GLRB: variants seen among roughly 807,000 people sequenced by gnomAD.
The protein encoded by GLRB is glycine receptor beta, also known as glycine receptor subunit beta.
In GLRB, 33 loss-of-function variants were observed where a neutral mutation model predicts 54.2. The observed-to-expected ratio is 0.61, with a 90% CI of 0.46 to 0.81. The LOEUF (loss-of-function observed/expected upper bound fraction) is 0.81. Ranked by LOEUF, GLRB falls within the 40% of genes least tolerant of loss-of-function variation. The pLI is 0.00. For missense variants in GLRB, 572 were observed against 584.6 expected, an observed-to-expected ratio of 0.98 and a Z score of 0.22; for synonymous variants, 209 against 208.2, an observed-to-expected ratio of 1.00 and a Z score of -0.03.
chr4:157,118,932 T>G (rs1329470222), intron 2 of GLRB, among the ~76,000 whole-genome samples: 1 of 151,342 alleles, frequency 6.6e-6, no homozygotes, highest in East Asian at 2.0e-4. Context: ...ATGGATTTTG[T>G]GTGTGTGTGT....
intron 2 of GLRB, among the ~76,000 whole-genome samples, chr4:157,108,359 A>G (rs1057388689): frequency 6.6e-6 from 1 of 152,136 alleles, no homozygotes; most frequent in Non-Finnish European, 1.5e-5. Context: ...TCACTCTTCT[A>G]GATACCATTA....
chr4:157,135,673 G>T (rs1379200531), intron 4 of GLRB, among the ~76,000 whole-genome samples: 2 of 152,040 alleles, frequency 1.3e-5, no homozygotes, highest in African/African-American at 4.8e-5. Context: ...CCATTCTTAG[G>T]TATGTCTTTA....
intron 2 of GLRB, among the ~76,000 whole-genome samples, chr4:157,088,889 G>A (rs1459413053): frequency 6.6e-6 from 1 of 151,932 alleles, no homozygotes; most frequent in Non-Finnish European, 1.5e-5. Flanking sequence ...ATTAACTGTG[G>A]TTTTCCCCTT....
chr4:157,136,946 A>G, intron 6 of GLRB, 60 bp downstream of exon 6: 2 of 972,076 alleles, frequency 2.1e-6, no homozygotes. Flanking sequence ...TCTGGGTAAT[A>G]CATTCTACTG....
At chr4:157,096,986 T>G (rs1734836762) in intron 2 of GLRB, among the ~76,000 whole-genome samples, 1 of 152,198 alleles carries the variant, frequency 6.6e-6, no homozygotes, top group Admixed American at 6.5e-5. Flanking sequence ...GACTTTTCTT[T>G]GCTTAATTCC....
intron 2 of GLRB, among the ~76,000 whole-genome samples, chr4:157,110,244 T>A (rs1735369097): frequency 6.6e-6 from 1 of 151,960 alleles, no homozygotes; most frequent in Admixed American, 6.6e-5. Context: ...TTAGGAGCTC[T>A]GTTCTAGGAA....
chr4:157,109,341 A>G (rs1030012965), intron 2 of GLRB, among the ~76,000 whole-genome samples: 1 of 151,854 alleles, frequency 6.6e-6, no homozygotes, highest in Non-Finnish European at 1.5e-5. Context: ...GATTTTAGCC[A>G]TTATTTCTTA....
At chr4:157,144,996 T>A (rs1736755504) in intron 8 of GLRB, among the ~76,000 whole-genome samples, 1 of 152,232 alleles carries the variant, frequency 6.6e-6, no homozygotes, top group South Asian at 2.1e-4. Flanking sequence ...TTACATGTAT[T>A]ATATTTACTG....
intron 2 of GLRB, among the ~76,000 whole-genome samples, chr4:157,109,616 C>T (rs1401911720): frequency 6.6e-6 from 1 of 151,874 alleles, no homozygotes; most frequent in Non-Finnish European, 1.5e-5. Context: ...GATCACACAG[C>T]TCAAAGGCTC....
At chr4:157,121,623 T>A (rs924021468) in intron 3 of GLRB, among the ~76,000 whole-genome samples, 1 of 151,712 alleles carries the variant, frequency 6.6e-6, no homozygotes, top group African/African-American at 2.4e-5. Flanking sequence ...CTACCATATA[T>A]TGATTCACCA....
chr4:157,122,748 GT>G (rs1458290776), intron 4 of GLRB, among the ~76,000 whole-genome samples: 1 of 151,720 alleles, frequency 6.6e-6, no homozygotes, highest in Non-Finnish European at 1.5e-5. Context: ...CATTCAAAAT[GT>G]TTTAAGTATT....
chr4:157,153,049 C>A, intron 9 of GLRB, 39 bp downstream of exon 9: 1 of 1,518,492 alleles, frequency 6.6e-7, no homozygotes. Flanking sequence ...TTTCCCCCAA[C>A]CACTTCATAG....
At chr4:157,079,195 A>T (rs944192179) in intron 2 of GLRB, among the ~76,000 whole-genome samples, 2 of 152,212 alleles carry the variant, frequency 1.3e-5, no homozygotes, top group African/African-American at 4.8e-5. Flanking sequence ...TAATAATGCA[A>T]TATATGCAGT....
chr4:157,156,242 G>A (rs1027198450), intron 9 of GLRB, among the ~76,000 whole-genome samples: 1 of 152,080 alleles, frequency 6.6e-6, no homozygotes, highest in African/African-American at 2.4e-5. Flanking sequence ...TATGGGATGT[G>A]TTTCCATTTG....
At chr4:157,160,725 A>G (rs1019446266) in intron 9 of GLRB, among the ~76,000 whole-genome samples, 11 of 151,814 alleles carry the variant, frequency 7.2e-5, no homozygotes, top group African/African-American at 2.7e-4. Flanking sequence ...GTTCTTTTAC[A>G]TTTGCTGAGG....
In GLRB at chr4:157,153,606, C is replaced by A. The variant is rs541262657; in HGVS notation, c.1197+596C>A. On this transcript the variant is annotated intron_variant, in intron 9 of 9. Transcript: ENST00000264428. ...GGAGAAGGAATATTTAAGATTTTAC[C>A]CCATAACCCTGCCTTGTCAATTAAT... Among the ~76,000 whole-genome samples, 238 of 152,156 alleles carry A rather than the reference C, an allele frequency of 1.6e-3. 1 individual carries two copies. The highest frequency in any genetic ancestry group is 5.5e-3 in the African/African-American group (228 of 41,496).
At chr4:157,153,904 G>C (rs1737123098) in intron 9 of GLRB, among the ~76,000 whole-genome samples, 1 of 152,104 alleles carries the variant, frequency 6.6e-6, no homozygotes, top group South Asian at 2.1e-4. Flanking sequence ...ATCACCACTA[G>C]TCCCCTCACC....
At chr4:157,135,813 A>G (rs1736377720) in intron 4 of GLRB, among the ~76,000 whole-genome samples, 1 of 152,172 alleles carries the variant, frequency 6.6e-6, no homozygotes, top group Non-Finnish European at 1.5e-5. Context: ...TTAAGTGGCT[A>G]TCAGCCACAT....
intron 9 of GLRB, among the ~76,000 whole-genome samples, chr4:157,162,731 TG>T (rs1403103795): frequency 6.6e-6 from 1 of 152,122 alleles, no homozygotes; most frequent in Non-Finnish European, 1.5e-5. Context: ...CTGTATGAGG[TG>T]TCAGTTGGCC....
Sources: gnomAD v4.1 joint callset for allele counts (sites outside exome capture counted in the v4.1 genomes callset) on GRCh38, gnomAD v4.1.1 for gene constraint, MANE v1.5 for transcripts, NCBI Gene and HGNC (gene_info 2026-07-23, HGNC 2026-07-21) for gene names.